EHD4: variants seen among roughly 807,000 people sequenced by gnomAD.
EHD4 encodes the protein EH domain containing 4.
A neutral mutation model predicts 51.0 loss-of-function variants in EHD4; 37 were observed. The ratio of observed to expected loss-of-function variants is 0.73; its 90% CI spans 0.56 to 0.95. The LOEUF is 0.95. Ranked by LOEUF, EHD4 falls within the 40% of genes least tolerant of loss-of-function variation. The pLI is 0.00. For synonymous variants in EHD4, 297 were observed against 317.3 expected (o/e 0.94, Z 0.68); for missense variants, 632 against 733.1 (o/e 0.86, Z 1.59).
Position 41,900,843 on chromosome 15 carries a change from G to A in EHD4, c.1428C>T (p.Thr476=). 6.2e-7 allele frequency: 1 copy of A among 1,614,182 alleles called. No homozygotes were observed. The highest frequency in any genetic ancestry group is 8.5e-7 in the Non-Finnish European group (1 of 1,180,042). ...CCAGGACGCTGTTGGGCAGCTTGGAGGTCACCATCTCCTTCTTGGCGTTGA... is the reference window on the plus strand; with the variant it reads ...CCAGGACGCTGTTGGGCAGCTTGGAAGTCACCATCTCCTTCTTGGCGTTGA... The part of the protein sequence containing the change: ...SGVNAKKEMV[T]SKLPNSVLGK... Residue 476 remains threonine, a synonymous_variant, in exon 6 of 6, where the codon ACC becomes ACT. Coordinates refer to ENST00000220325, the MANE Select transcript of EHD4 (RefSeq NM_139265.4). This position sits in a 1 kb window ranked among gnomAD's most constrained non-coding sequence, Gnocchi z 4.8.
chr15:41,961,021 T>C (rs1240622180), intron 1 of EHD4, among the ~76,000 whole-genome samples: 7 of 152,214 alleles, frequency 4.6e-5, no homozygotes, highest in African/African-American at 1.7e-4. Context: ...ATTTTTCCTT[T>C]AGTTAAATCA....
At chr15:41,917,990 A>T (rs1423441819) in intron 4 of EHD4, among the ~76,000 whole-genome samples, 2 of 152,196 alleles carry the variant, frequency 1.3e-5, no homozygotes, top group Non-Finnish European at 2.9e-5. Flanking sequence ...AGCAGCAGCC[A>T]GGACGGTGTT....
chr15:41,960,608 A>C (rs1486545784), intron 1 of EHD4, among the ~76,000 whole-genome samples: 1 of 151,886 alleles, frequency 6.6e-6, no homozygotes, highest in Non-Finnish European at 1.5e-5. Flanking sequence ...CAAACATCTC[A>C]TCTACTTAAA....
intron 5 of EHD4, among the ~76,000 whole-genome samples, chr15:41,903,627 C>T (rs932882163): frequency 1.3e-5 from 2 of 152,104 alleles, no homozygotes; most frequent in African/African-American, 4.8e-5. Flanking sequence ...TTAACCCTGT[C>T]CCCTATAGCT....
In EHD4 at chr15:41,946,592, G is replaced by A. The variant is rs1215155995; in HGVS notation, c.414-3428C>T. ...AAAAATAAAATTAGCCGGGCATGGT[G>A]GCATGCGCTTGTAGTCCCAGCTACT... On this transcript the variant is annotated intron_variant, in intron 2 of 5. Transcript: ENST00000220325. Among the ~76,000 whole-genome samples, 4 of 152,314 alleles carry A rather than the reference G, an allele frequency of 2.6e-5. No homozygotes were observed. The East Asian group carries it at 7.7e-4, about 29-fold the overall frequency.
At chr15:41,919,079 T>C (rs909834449) in intron 4 of EHD4, 131 bp downstream of exon 4, 1 of 1,228,254 alleles carries the variant, frequency 8.1e-7, no homozygotes, top group African/African-American at 1.5e-5. Flanking sequence ...CTCGAGGCTG[T>C]ATTCTTAACC....
chr15:41,911,270 T>TGA (rs1296937553), intron 4 of EHD4, among the ~76,000 whole-genome samples: 2 of 152,356 alleles, frequency 1.3e-5, no homozygotes, highest in South Asian at 4.1e-4. Context: ...CTTGGAGAGA[T>TGA]GACGCTAAAC....
At chr15:41,945,494 A>G (rs912444742) in intron 2 of EHD4, among the ~76,000 whole-genome samples, 11 of 152,170 alleles carry the variant, frequency 7.2e-5, no homozygotes, top group African/African-American at 4.8e-5. Flanking sequence ...AGAGAGGATG[A>G]GGAGCAGCAG....
chr15:41,946,676 T>G (rs1211032120), intron 2 of EHD4, among the ~76,000 whole-genome samples: 1 of 152,154 alleles, frequency 6.6e-6, no homozygotes, highest in African/African-American at 2.4e-5. Flanking sequence ...CAGTGAGCTT[T>G]GATGGTGCCA....
intron 2 of EHD4, among the ~76,000 whole-genome samples, chr15:41,946,568 A>C (rs1005185820): frequency 6.6e-6 from 1 of 152,176 alleles, no homozygotes; most frequent in Non-Finnish European, 1.5e-5. Flanking sequence ...GTCTCTACAA[A>C]AAATAAAATT....
Position 41,963,234 on chromosome 15 carries a change from T to C in EHD4, c.236+9025A>G, listed in dbSNP as rs561174152. Among the ~76,000 whole-genome samples, 46 of 151,434 alleles carry C rather than the reference T, an allele frequency of 3.0e-4. 1 individual carries two copies. The South Asian group carries it at 8.8e-3, about 29-fold the overall frequency. On this transcript the variant is annotated intron_variant, in intron 1 of 5. Coordinates refer to ENST00000220325, the MANE Select transcript of EHD4 (RefSeq NM_139265.4). ...TTATCTGCTGACCTTCCCTCCACTA[T>C]TGTCCTATGACCCTGCCAAATCCCC...
chr15:41,925,794 G>C (rs1225615536), intron 3 of EHD4, among the ~76,000 whole-genome samples: 1 of 152,142 alleles, frequency 6.6e-6, no homozygotes, highest in African/African-American at 2.4e-5. Flanking sequence ...GGAACAAAAG[G>C]AGGGGGCAGG....
intron 2 of EHD4, among the ~76,000 whole-genome samples, chr15:41,945,431 G>A (rs1194883843): frequency 3.9e-5 from 6 of 152,202 alleles, no homozygotes; most frequent in African/African-American, 9.7e-5. Context: ...ATGTGCTGAC[G>A]TCACCACATG....
chr15:41,946,954 T>C (rs2067819338), intron 2 of EHD4, among the ~76,000 whole-genome samples: 1 of 152,218 alleles, frequency 6.6e-6, no homozygotes. Flanking sequence ...CACCTCTTAC[T>C]GGGTGTCAGG....
intron 3 of EHD4, among the ~76,000 whole-genome samples, chr15:41,933,896 C>T (rs1030754745): frequency 4.9e-4 from 74 of 152,160 alleles, no homozygotes; most frequent in African/African-American, 1.7e-3. Flanking sequence ...CATCAGGCCT[C>T]ACGCCCTCCC....
chr15:41,929,436 C>T (rs975499906), intron 3 of EHD4, among the ~76,000 whole-genome samples: 1 of 152,268 alleles, frequency 6.6e-6, no homozygotes, highest in African/African-American at 2.4e-5. Context: ...GAAGGTTCCA[C>T]GCCAGTACTC....
Position 41,972,532 on chromosome 15 carries a change from G to T in EHD4, c.-38C>A. 6.9e-7 allele frequency: 1 copy of T among 1,451,008 alleles called. No individual in the cohort carries two copies. The allele number at this position is 1,451,008 out of a possible 1,614,324, so 89.9% of individuals were successfully genotyped here. On this transcript the variant is annotated 5_prime_UTR_variant, in exon 1 of 6. Coordinates refer to ENST00000220325, the MANE Select transcript of EHD4 (RefSeq NM_139265.4). ...CCACGCTCGGATGGGACCCTGCTCC[G>T]GGTTCGACTCTCCCCGGCTCGCACT...
At chr15:41,956,497 C>T (rs2067888953) in intron 1 of EHD4, among the ~76,000 whole-genome samples, 1 of 152,168 alleles carries the variant, frequency 6.6e-6, no homozygotes, top group African/African-American at 2.4e-5. Flanking sequence ...CAGCAAATCC[C>T]ACTACTTTTG....
intron 2 of EHD4, among the ~76,000 whole-genome samples, chr15:41,949,064 A>T (rs2067835945): frequency 7.2e-6 from 1 of 139,716 alleles, no homozygotes; most frequent in African/African-American, 2.6e-5. Context: ...ACACATACAC[A>T]CACACATACA....
Sources: allele counts gnomAD v4.1 joint callset (sites outside exome capture counted in the v4.1 genomes callset), GRCh38; gene constraint gnomAD v4.1.1; non-coding constraint Gnocchi (gnomAD v3.1); transcripts MANE v1.5; gene names NCBI Gene and HGNC (gene_info 2026-07-23, HGNC 2026-07-21).